Variants in PAG1 observed in about 807,000 individuals in gnomAD.
PAG1 encodes the protein phosphoprotein associated with glycosphingolipid-enriched microdomains 1.
PAG1 carries 23 observed loss-of-function variants against 31.7 expected under a neutral mutation model. The ratio of observed to expected loss-of-function variants is 0.73; its 90% CI spans 0.52 to 1.03. The LOEUF (loss-of-function observed/expected upper bound fraction) is 1.03, where lower values mean the gene tolerates loss of function less well. PAG1 is among the 50% of genes least tolerant of loss of function. PAG1 has a pLI of 0.00. For missense variants in PAG1, 473 were observed against 540.7 expected (o/e 0.87, Z 1.24); for synonymous variants, 214 against 210.3 (o/e 1.02, Z -0.15).
intron 2 of PAG1, among the ~76,000 whole-genome samples, chr8:81,035,548 C>T (rs1443349409): frequency 6.6e-6 from 1 of 152,106 alleles, no homozygotes; most frequent in Non-Finnish European, 1.5e-5. Flanking sequence ...CTCCAGTGGA[C>T]TGTGGGGTAG....
intron 2 of PAG1, among the ~76,000 whole-genome samples, chr8:81,054,363 G>T (rs1445404183): frequency 6.6e-6 from 1 of 152,098 alleles, no homozygotes; most frequent in Non-Finnish European, 1.5e-5. Context: ...TGAGGATAAT[G>T]ACTCTAACAG....
At chr8:81,043,126 C>G (rs1464716991) in intron 2 of PAG1, among the ~76,000 whole-genome samples, 1 of 151,978 alleles carries the variant, frequency 6.6e-6, no homozygotes, top group Non-Finnish European at 1.5e-5. Context: ...CTATCCCATC[C>G]CTTCCACCCC....
chr8:81,047,979 G>A (rs140139546), intron 2 of PAG1, among the ~76,000 whole-genome samples: 180 of 152,332 alleles, frequency 1.2e-3, no homozygotes, highest in Middle Eastern at 6.8e-3. Flanking sequence ...TCACAAGGAA[G>A]TACTCAAATG....
At chr8:80,986,408 C>A (rs563662469) in intron 6 of PAG1, among the ~76,000 whole-genome samples, 2 of 152,220 alleles carry the variant, frequency 1.3e-5, no homozygotes, top group South Asian at 4.2e-4. Flanking sequence ...GCCCTCTTAC[C>A]TCAGGTAAAA....
At chr8:81,048,488 C>T (rs1318316252) in intron 2 of PAG1, among the ~76,000 whole-genome samples, 1 of 152,106 alleles carries the variant, frequency 6.6e-6, no homozygotes, top group Non-Finnish European at 1.5e-5. Context: ...GATCCTCCAG[C>T]AAATAATTTG....
At chr8:80,997,375 A>G (rs1807701531) in intron 3 of PAG1, among the ~76,000 whole-genome samples, 1 of 152,104 alleles carries the variant, frequency 6.6e-6, no homozygotes, top group South Asian at 2.1e-4. Context: ...GAATCAAGCA[A>G]TGCTCCCACC....
At chr8:81,082,463 A>C (rs1411138263) in intron 1 of PAG1, among the ~76,000 whole-genome samples, 6 of 152,062 alleles carry the variant, frequency 3.9e-5, no homozygotes, top group African/African-American at 1.2e-4. Context: ...TCTTCTGTTA[A>C]ATGTGGCAAG....
intron 3 of PAG1, among the ~76,000 whole-genome samples, chr8:81,018,494 T>C (rs530516403): frequency 4.5e-4 from 69 of 152,342 alleles, no homozygotes; most frequent in African/African-American, 1.6e-3. Context: ...TGAATTGTAG[T>C]TCCCATTATT....
At chr8:81,093,426 C>T (rs1029679019) in intron 1 of PAG1, among the ~76,000 whole-genome samples, 10 of 152,204 alleles carry the variant, frequency 6.6e-5, no homozygotes, top group African/African-American at 2.4e-4. Flanking sequence ...GTAATCAACA[C>T]ATAAATGCTT....
intron 7 of PAG1, among the ~76,000 whole-genome samples, chr8:80,981,013 C>T (rs533273229): frequency 3.2e-4 from 48 of 152,244 alleles, no homozygotes; most frequent in Non-Finnish European, 6.0e-4. Flanking sequence ...TAACACATCC[C>T]TTGTCTTAAT....
intron 1 of PAG1, among the ~76,000 whole-genome samples, chr8:81,087,556 T>C (rs549938002): frequency 5.9e-5 from 9 of 152,120 alleles, no homozygotes; most frequent in Admixed American, 5.2e-4. Context: ...GATAAGTCAA[T>C]TGAGGAATAT....
chr8:81,011,528 T>C (rs1807984998), intron 3 of PAG1, among the ~76,000 whole-genome samples: 1 of 152,168 alleles, frequency 6.6e-6, no homozygotes, highest in Admixed American at 6.5e-5. Context: ...GTCTCAGGTA[T>C]GTCTTTATCA....
At chr8:80,977,663 G>A (rs539862117) in intron 8 of PAG1, among the ~76,000 whole-genome samples, 111 of 152,204 alleles carry the variant, frequency 7.3e-4, no homozygotes, top group African/African-American at 2.3e-3. Flanking sequence ...ACTCATTCTC[G>A]CTTGCAACCA....
At chr8:81,023,627 G>C (rs764658471) in intron 3 of PAG1, among the ~76,000 whole-genome samples, 33 of 152,110 alleles carry the variant, frequency 2.2e-4, no homozygotes, top group Middle Eastern at 6.8e-3. Flanking sequence ...GAGAAAAAAA[G>C]GGAGAGAGAG....
intron 3 of PAG1, among the ~76,000 whole-genome samples, chr8:81,021,504 GTGTGTGTGTGTGCA>G (rs1399507674): frequency 1.1e-5 from 1 of 95,202 alleles, no homozygotes; most frequent in Non-Finnish European, 2.5e-5. Context: ...TACTTCAAGT[GTGTGTGTGTGTGCA>G]TGTGTGTGTG....
intron 2 of PAG1, among the ~76,000 whole-genome samples, chr8:81,050,876 C>T (rs1808717151): frequency 6.6e-6 from 1 of 152,220 alleles, no homozygotes; most frequent in Non-Finnish European, 1.5e-5. Context: ...AACACAAACT[C>T]ACTGCCTTCA....
intron 4 of PAG1, among the ~76,000 whole-genome samples, chr8:80,992,564 G>A (rs1399535573): frequency 3.3e-5 from 5 of 152,228 alleles, no homozygotes; most frequent in Non-Finnish European, 2.9e-5. Context: ...ATATGAGACA[G>A]AGGAGAGAGA....
At chr8:81,091,064 T>A (rs1306495756) in intron 1 of PAG1, among the ~76,000 whole-genome samples, 1 of 152,158 alleles carries the variant, frequency 6.6e-6, no homozygotes, top group South Asian at 2.1e-4. Context: ...ACTAAGAGAA[T>A]GGCCGAAGGA....
intron 2 of PAG1, among the ~76,000 whole-genome samples, chr8:81,053,993 C>T (rs538720639): frequency 7.9e-5 from 12 of 152,234 alleles, no homozygotes; most frequent in African/African-American, 2.4e-4. Context: ...CAGCCATCAA[C>T]AGTAGCTAAA....
Sources: allele counts gnomAD v4.1 joint callset (sites outside exome capture counted in the v4.1 genomes callset), GRCh38; gene constraint gnomAD v4.1.1; transcripts MANE v1.5; gene names NCBI Gene and HGNC (gene_info 2026-07-23, HGNC 2026-07-21).